ALS2: variants seen among roughly 807,000 people sequenced by gnomAD.
ALS2 encodes alsin Rho guanine nucleotide exchange factor ALS2.
Under a neutral mutation model 203.4 loss-of-function variants are expected in ALS2, and 117 were observed. That is an observed-to-expected ratio of 0.58 (90% confidence interval 0.50 to 0.67). ALS2 has a LOEUF of 0.67. Among genes scored for constraint, ALS2 ranks in the 30% least tolerant of loss-of-function variants. The probability of loss-of-function intolerance (pLI) is 0.00; values close to 1 mark genes in which losing one functional copy is unlikely to be tolerated. For synonymous variants in ALS2, 718 were observed against 725.9 expected, an observed-to-expected ratio of 0.99 and a Z score of 0.17; for missense variants, 1,715 against 1,989.4, an observed-to-expected ratio of 0.86 and a Z score of 2.62.
At position 201,749,802 on chromosome 2, in the gene ALS2, C is replaced by T; in HGVS notation, c.1738-13G>A. The T allele has an allele frequency of 6.2e-7, 1 of 1,611,266 alleles. No individual in the cohort carries two copies. Among genetic ancestry groups the T allele is most frequent in the Non-Finnish European group, 8.5e-7 (1 of 1,177,446 alleles). On this transcript the variant is annotated splice_polypyrimidine_tract_variant and intron_variant, in intron 7 of 33. Coordinates refer to ENST00000264276, the MANE Select transcript of ALS2 (RefSeq NM_020919.4). ...CCCATGAGTAAACCTATCAAAAAAACACAGAAAAGTAGCTAAGCGTTGTGA... is the reference window on the plus strand; with the variant it reads ...CCCATGAGTAAACCTATCAAAAAAATACAGAAAAGTAGCTAAGCGTTGTGA...
intron 8 of ALS2, among the ~76,000 whole-genome samples, chr2:201,747,062 G>T (rs111279547): frequency 3.9e-5 from 6 of 152,116 alleles, no homozygotes; most frequent in Non-Finnish European, 8.8e-5. Context: ...TTATAATGAA[G>T]AGACCCAGAA....
intron 13 of ALS2, among the ~76,000 whole-genome samples, chr2:201,732,906 G>T (rs11888218): frequency 0.52 from 79,259 of 151,536 alleles, 21,888 homozygotes; most frequent in Admixed American, 0.63. Context: ...TGCCTTACAG[G>T]TGTATGCCAT....
In ALS2 at chr2:201,705,132, A is replaced by T; in HGVS notation, c.4688+7T>A. On this transcript the variant is annotated splice_region_variant and intron_variant, in intron 31 of 33. Coordinates refer to ENST00000264276, the MANE Select transcript of ALS2 (RefSeq NM_020919.4). Reference sequence around the variant, plus strand: ...TTTGTATGGCTTTTCAACAAATCAGAGATTACCTGATCTGCTGCAGACATT... The same window carrying T: ...TTTGTATGGCTTTTCAACAAATCAGTGATTACCTGATCTGCTGCAGACATT... The T allele has an allele frequency of 6.2e-7, 1 of 1,613,756 alleles. No homozygotes were observed. Among genetic ancestry groups the T allele is most frequent in the South Asian group, 1.1e-5 (1 of 91,078 alleles).
At chr2:201,758,410 A>G (rs953773114) in intron 4 of ALS2, among the ~76,000 whole-genome samples, 10 of 152,138 alleles carry the variant, frequency 6.6e-5, no homozygotes, top group Admixed American at 2.0e-4. Context: ...CTGTAGGATT[A>G]CCTTTGCTCT....
At chr2:201,722,712 C>A in intron 23 of ALS2, 1 of 263,372 alleles carries the variant, frequency 3.8e-6, no homozygotes, top group Non-Finnish European at 7.2e-6. Flanking sequence ...GTGTAAGAAG[C>A]CACATAGAGG....
chr2:201,715,782 G>A lies in ALS2; in HGVS notation c.3894C>T (p.Asp1298=), dbSNP rs371428175. ...PADEKWKAVF[D]ECWRQLGCEG... Reference sequence around the variant, plus strand: ...CACAGCCCAGTTGGCGCCAACATTCGTCAAACACCGCTTTCCACTTCTCAT... The same window carrying A: ...CACAGCCCAGTTGGCGCCAACATTCATCAAACACCGCTTTCCACTTCTCAT... Residue 1298 remains aspartate (D), a synonymous_variant, in exon 25 of 34, where the codon GAC becomes GAT. Transcript: ENST00000264276. 5.6e-6 allele frequency: 9 copies of A among 1,614,046 alleles called. No individual in the cohort carries two copies. The highest frequency in any genetic ancestry group is 2.7e-5 in the African/African-American group (2 of 74,916).
chr2:201,769,881 T>C (rs936569685), intron 1 of ALS2, among the ~76,000 whole-genome samples: 2 of 152,200 alleles, frequency 1.3e-5, no homozygotes, highest in Non-Finnish European at 2.9e-5. Context: ...ATCTGTTTCC[T>C]CCAGGTTGCC....
chr2:201,727,806 G>A (rs368950469), intron 15 of ALS2, 31 bp from the exon 16 acceptor site: 2 of 1,545,088 alleles, frequency 1.3e-6, no homozygotes, highest in Non-Finnish European at 1.8e-6. Context: ...GCACTTTTAT[G>A]AAAGCCCATG....
At chr2:201,767,746 T>C (rs1454936236) in intron 2 of ALS2, among the ~76,000 whole-genome samples, 1 of 150,962 alleles carries the variant, frequency 6.6e-6, no homozygotes, top group Non-Finnish European at 1.5e-5. Flanking sequence ...CGTGAACCTG[T>C]AGTCCCAGCT....
chr2:201,744,461 T>C, intron 9 of ALS2, 32 bp from the exon 10 acceptor site: 10 of 1,597,494 alleles, frequency 6.3e-6, no homozygotes, highest in Non-Finnish European at 8.6e-6. Context: ...GGATTAAATA[T>C]AACATATAAT....
In ALS2 at chr2:201,704,542, G is replaced by A. The variant is rs1187685484; in HGVS notation, c.4750C>T (p.Gln1584Ter). The A allele has an allele frequency of 1.2e-6, 2 of 1,614,102 alleles. No individual in the cohort carries two copies. The highest frequency in any genetic ancestry group is 8.5e-7 in the Non-Finnish European group (1 of 1,179,952). ...TCGTGGAGTGACGCCAGGACACTCTGAGAGATCTCCTCAAAAGTCTGCTGG... is the reference window on the plus strand; with the variant it reads ...TCGTGGAGTGACGCCAGGACACTCTAAGAGATCTCCTCAAAAGTCTGCTGG... ...VIQQTFEEIS[Q>*]SVLASLHEDF... Residue 1584 changes from glutamine to a stop codon, truncating the protein, a stop_gained, in exon 32 of 34, where the codon CAG becomes TAG. Coordinates refer to ENST00000264276, the MANE Select transcript of ALS2 (RefSeq NM_020919.4). LOFTEE classifies it high-confidence loss of function.
rs907442990 is a variant in ALS2 at position 201,705,293 on chromosome 2, A to G, written c.4627-93T>C. On this transcript the variant is annotated intron_variant, in intron 30 of 33. Transcript: ENST00000264276. ...GATGTCAGAGTGCAGGTCTTTGGTA[A>G]TAACAGATGCAAACACAAGCTTGGG... The G allele has an allele frequency of 1.9e-5, 28 of 1,475,770 alleles. No homozygotes were observed. The South Asian group carries it at 2.8e-4, about 15-fold the overall frequency. 91.4% of individuals were successfully genotyped at this position (1,475,770 alleles called of 1,614,324 possible).
rs3219172 is a variant in ALS2 at position 201,701,688 on chromosome 2, T to C, written c.*163A>G. ...CTTTAAACTATACAGTCCTTTTTTC[T>C]GGGCTCAGGGCTCTTATTATTGGTA... is the stretch of plus-strand genomic sequence containing the variant. On this transcript the variant is annotated 3_prime_UTR_variant, in exon 34 of 34. Transcript: ENST00000264276. 7,394 of 682,164 alleles carry C rather than the reference T, an allele frequency of 0.011. 68 individuals carry two copies. Among genetic ancestry groups the C allele is most frequent in the Non-Finnish European group, 0.013 (5,233 of 388,410 alleles). 42.3% of individuals were successfully genotyped at this position (682,164 alleles called of 1,614,324 possible).
chr2:201,744,840 G>A (rs1041362928), intron 9 of ALS2, among the ~76,000 whole-genome samples: 4 of 152,082 alleles, frequency 2.6e-5, no homozygotes, highest in African/African-American at 7.2e-5. Flanking sequence ...ACCACTTTCC[G>A]AGTAAAATAA....
rs1235587022 is a variant in ALS2, at chr2:201,724,319, T to C, written c.3488A>G (p.Tyr1163Cys). The C allele has an allele frequency of 6.2e-7, 1 of 1,613,858 alleles. No individual in the cohort carries two copies. Among genetic ancestry groups the C allele is most frequent in the Non-Finnish European group, 8.5e-7 (1 of 1,179,876 alleles). Residue 1163 changes from tyrosine (Y) to cysteine (C), a missense_variant, in exon 21 of 34, where the codon TAT (tyrosine) becomes TGT (cysteine). Tyr to Cys is a radical substitution (Grantham distance 194). Coordinates refer to ENST00000264276, the MANE Select transcript of ALS2 (RefSeq NM_020919.4). ...GQWVMDKKAGYGVFDDITRGE... is the reference protein window; with the variant it reads ...GQWVMDKKAGCGVFDDITRGE... Reference sequence around the variant, plus strand: ...CCTAGTGATATCATCAAAGACACCATATCCTGCTTTCTTATCCATTACCCA... The same window carrying C: ...CCTAGTGATATCATCAAAGACACCACATCCTGCTTTCTTATCCATTACCCA...
intron 7 of ALS2, 72 bp downstream of exon 7, chr2:201,753,074 A>C (rs1316921070): frequency 1.6e-5 from 19 of 1,202,848 alleles, no homozygotes; most frequent in Non-Finnish European, 2.2e-5. Context: ...ATAATCAACA[A>C]ATGAGGGTCC....
chr2:201,770,708 A>G (rs1694336575), intron 1 of ALS2, among the ~76,000 whole-genome samples: 1 of 152,164 alleles, frequency 6.6e-6, no homozygotes. Flanking sequence ...AGGAGAATCA[A>G]AGAGACATGA....
Position 201,750,750 on chromosome 2 carries a change from T to A in ALS2, c.1738-961A>T, listed in dbSNP as rs571019507. Among the ~76,000 whole-genome samples, 6 of 152,286 alleles carry A rather than the reference T, an allele frequency of 3.9e-5. No homozygotes were observed. In the South Asian group the frequency reaches 1.2e-3, roughly 32 times the overall value. On this transcript the variant is annotated intron_variant, in intron 7 of 33. Transcript: ENST00000264276. ...TTGGTGGCACCTACTCTTTTGCACA[T>A]CAGTAAGTATAGATCTGTAACATCA...
rs1456585526 is a variant in ALS2, at chr2:201,704,592, G to T, written c.4700C>A (p.Thr1567Asn). The change falls in exon 32 of 34, where the codon ACC becomes AAC. Residue 1567 changes from threonine to asparagine, a missense_variant. By Grantham distance (65) the Thr-to-Asn change is moderately conservative. This residue lies in a region of ALS2 where 1,227 missense variants were observed against 1,413.5 expected (regional missense o/e 0.87). Transcript: ENST00000264276. Reference sequence around the variant, plus strand: ...GATGACCTTAAGTTTGTCTGATGGGGTAAATGTTGTGCTGTTACAGAAACA... The same window carrying T: ...GATGACCTTAAGTTTGTCTGATGGGTTAAATGTTGTGCTGTTACAGAAACA... ...ECLQQISTTF[T>N]PSDKLKVIQQ... The T allele has an allele frequency of 6.2e-7, 1 of 1,614,096 alleles. No homozygotes were observed. The highest frequency in any genetic ancestry group is 2.2e-5 in the East Asian group (1 of 44,870).
Sources: allele counts gnomAD v4.1 joint callset (sites outside exome capture counted in the v4.1 genomes callset), GRCh38; gene constraint gnomAD v4.1.1; regional missense constraint gnomAD v4.1.1; transcripts MANE v1.5; gene names NCBI Gene and HGNC (gene_info 2026-07-23, HGNC 2026-07-21).